The following DUSP13A variants were observed in gnomAD, a reference collection of about 807,000 sequenced individuals.
DUSP13A encodes the protein dual specificity phosphatase 13A, also known as dual specificity protein phosphatase 13A.
At chr10:75,105,718 T>A in the DUSP13A span, 1 of 1,553,792 alleles carries the variant, frequency 6.4e-7, no homozygotes, top group South Asian at 1.2e-5. Flanking sequence ...GCAGAGCTGG[T>A]GCAGGAAGCC....
the DUSP13A span, among the ~76,000 whole-genome samples, chr10:75,108,679 CAG>C: frequency 6.6e-6 from 1 of 152,222 alleles, no homozygotes; most frequent in Non-Finnish European, 1.5e-5. Context: ...GGCCCAGAAA[CAG>C]GGGGCTCTCT....
At chr10:75,105,681 G>C in the DUSP13A span, 28 of 1,548,982 alleles carry the variant, frequency 1.8e-5, no homozygotes, top group Non-Finnish European at 2.3e-5. Flanking sequence ...AGCTCTGGCC[G>C]GCACCCCGCA....
chr10:75,108,495 C>T, the DUSP13A span, among the ~76,000 whole-genome samples: 1 of 152,180 alleles, frequency 6.6e-6, no homozygotes, highest in African/African-American at 2.4e-5. Flanking sequence ...ATTGCTTCAG[C>T]CCTGGAACCT....
chr10:75,109,103 G>T, the DUSP13A span: 9 of 1,611,908 alleles, frequency 5.6e-6, no homozygotes, highest in Non-Finnish European at 7.6e-6. Context: ...AGGATGCTGG[G>T]GCAAGGCGTG....
the DUSP13A span, chr10:75,105,839 C>G: frequency 6.4e-7 from 1 of 1,550,624 alleles, no homozygotes; most frequent in Non-Finnish European, 8.7e-7. Flanking sequence ...GAGCGGCTCA[C>G]GCCCACCACA....
the DUSP13A span, chr10:75,107,869 A>T: frequency 5.8e-6 from 7 of 1,209,694 alleles, no homozygotes; most frequent in Non-Finnish European, 8.0e-6. Flanking sequence ...GAGCCACCAC[A>T]CACGGCCTAA....
At chr10:75,106,101 CTTT>C in the DUSP13A span, among the ~76,000 whole-genome samples, 4 of 123,018 alleles carry the variant, frequency 3.3e-5, no homozygotes, top group Non-Finnish European at 3.4e-5. Flanking sequence ...TCTTTCTTTT[CTTT>C]TTTTTTTTTT....
chr10:75,108,394 G>T, the DUSP13A span: 1 of 1,128,176 alleles, frequency 8.9e-7, no homozygotes, highest in Non-Finnish European at 1.2e-6. Flanking sequence ...TCTGGTGGCT[G>T]AGCCGGCGGT....
the DUSP13A span, among the ~76,000 whole-genome samples, chr10:75,108,689 T>C: frequency 4.6e-5 from 7 of 152,246 alleles, no homozygotes; most frequent in African/African-American, 1.7e-4. Context: ...CAGGGGGCTC[T>C]CTGTCTACCT....
At chr10:75,109,144 G>C in the DUSP13A span, 1 of 1,599,226 alleles carries the variant, frequency 6.3e-7, no homozygotes, top group Admixed American at 1.7e-5. Context: ...CTCTGGGAGA[G>C]AGGTCTCAGC....
chr10:75,108,182 C>T, the DUSP13A span: 3 of 1,608,744 alleles, frequency 1.9e-6, no homozygotes, highest in Non-Finnish European at 2.5e-6. Flanking sequence ...CCAGCTTCCA[C>T]AGCTCAAAGC....
chr10:75,106,935 G>A, the DUSP13A span, among the ~76,000 whole-genome samples: 1 of 152,254 alleles, frequency 6.6e-6, no homozygotes, highest in Non-Finnish European at 1.5e-5. Context: ...GTCACACAGT[G>A]AGGGACACAG....
chr10:75,106,527 T>G, the DUSP13A span, among the ~76,000 whole-genome samples: 1 of 152,142 alleles, frequency 6.6e-6, no homozygotes, highest in South Asian at 2.1e-4. Context: ...ACAAAGCAGC[T>G]CATCTTTTTT....
the DUSP13A span, chr10:75,105,793 T>A: frequency 6.4e-7 from 1 of 1,551,010 alleles, no homozygotes; most frequent in Non-Finnish European, 8.7e-7. Context: ...GGACAGCCGC[T>A]GGTGCAGCAT....
chr10:75,107,126 A>G, the DUSP13A span, among the ~76,000 whole-genome samples: 1 of 152,324 alleles, frequency 6.6e-6, no homozygotes, highest in African/African-American at 2.4e-5. Flanking sequence ...ACTTGAGGTT[A>G]GGAGTTCGAG....
chr10:75,108,243 C>A, the DUSP13A span: 3 of 1,563,704 alleles, frequency 1.9e-6, no homozygotes, highest in South Asian at 1.2e-5. Context: ...TGATGCCGGC[C>A]AAGCCATGGG....
the DUSP13A span, among the ~76,000 whole-genome samples, chr10:75,107,776 C>A: frequency 6.6e-6 from 1 of 152,250 alleles, no homozygotes; most frequent in East Asian, 1.9e-4. Flanking sequence ...GAGGTTTCAC[C>A]GTGTTGGCCA....
At chr10:75,108,004 T>G in the DUSP13A span, 44 of 1,612,514 alleles carry the variant, frequency 2.7e-5, no homozygotes, top group East Asian at 8.5e-4. Flanking sequence ...CCAGGCGTGT[T>G]GAGGGCACGG....
the DUSP13A span, among the ~76,000 whole-genome samples, chr10:75,106,397 C>T: frequency 6.6e-6 from 1 of 152,126 alleles, no homozygotes; most frequent in Admixed American, 6.5e-5. Context: ...ATTCCAAATA[C>T]CTGCAAATTG....
Sources: gnomAD v4.1 joint callset for allele counts (sites outside exome capture counted in the v4.1 genomes callset) on GRCh38, gnomAD v4.1.1 for gene constraint, MANE v1.5 for transcripts, NCBI Gene and HGNC (gene_info 2026-07-23, HGNC 2026-07-21) for gene names.